Variants in PCDHA12 observed in about 807,000 individuals in gnomAD.
PCDHA12 encodes the protein protocadherin alpha-12.
In PCDHA12, 44 loss-of-function variants were observed where a neutral mutation model predicts 60.0. The observed-to-expected ratio is 0.73, with a 90% CI of 0.58 to 0.94. The LOEUF (loss-of-function observed/expected upper bound fraction) is 0.94. Among genes scored for constraint, PCDHA12 ranks in the 40% least tolerant of loss-of-function variants. PCDHA12 has a pLI of 0.00. For missense variants in PCDHA12, 1,276 were observed against 1,239.7 expected, an observed-to-expected ratio of 1.03 and a Z score of -0.44; for synonymous variants, 569 against 553.0, an observed-to-expected ratio of 1.03 and a Z score of -0.40.
intron 1 of PCDHA12, chr5:140,967,958 C>A (rs202159883): frequency 6.2e-7 from 1 of 1,614,182 alleles, no homozygotes; most frequent in Non-Finnish European, 8.5e-7. Context: ...AGGCCCCAAC[C>A]GGAAAGTGAG....
intron 3 of PCDHA12, among the ~76,000 whole-genome samples, chr5:140,992,102 G>A (rs1205417295): frequency 6.6e-6 from 1 of 150,914 alleles, no homozygotes; most frequent in Non-Finnish European, 1.5e-5. Context: ...AGAGAATTAA[G>A]GTGAGATGTG....
intron 3 of PCDHA12, among the ~76,000 whole-genome samples, chr5:140,998,586 CAG>C (rs1340236276): frequency 1.4e-5 from 2 of 147,292 alleles, no homozygotes; most frequent in African/African-American, 5.1e-5. Context: ...TTTTTTGAGA[CAG>C]AGTTTTGCTC....
chr5:140,980,890 C>G (rs1554242450), intron 2 of PCDHA12, among the ~76,000 whole-genome samples: 1 of 152,104 alleles, frequency 6.6e-6, no homozygotes, highest in African/African-American at 2.4e-5. Flanking sequence ...TCTTTCCAGT[C>G]TTGGACATCA....
intron 1 of PCDHA12, among the ~76,000 whole-genome samples, chr5:140,908,385 G>A (rs1318647483): frequency 6.6e-6 from 1 of 152,222 alleles, no homozygotes. Context: ...GCTCGAGCCC[G>A]ATCACATATA....
intron 1 of PCDHA12, among the ~76,000 whole-genome samples, chr5:140,960,401 G>C (rs1219932748): frequency 2.0e-5 from 3 of 151,956 alleles, no homozygotes; most frequent in African/African-American, 7.3e-5. Flanking sequence ...TGCAAGGGGG[G>C]GTGCCCAAAA....
intron 3 of PCDHA12, among the ~76,000 whole-genome samples, chr5:141,000,397 A>C (rs590627): frequency 0.074 from 4,330 of 58,694 alleles, 135 homozygotes; most frequent in Non-Finnish European, 0.096. Flanking sequence ...CTCTCTCTCT[A>C]TATATATATA....
At chr5:140,932,471 A>G (rs1056932090) in intron 1 of PCDHA12, among the ~76,000 whole-genome samples, 11 of 152,050 alleles carry the variant, frequency 7.2e-5, no homozygotes, top group African/African-American at 1.7e-4. Flanking sequence ...TATAGGAAAT[A>G]GGATATCTCC....
At chr5:140,894,457 T>C (rs2153447013) in intron 1 of PCDHA12, among the ~76,000 whole-genome samples, 1 of 152,166 alleles carries the variant, frequency 6.6e-6, no homozygotes, top group African/African-American at 2.4e-5. Flanking sequence ...AAAAAATATT[T>C]TACTTTTTAT....
chr5:140,924,915 AT>A (rs1554202358), intron 1 of PCDHA12, among the ~76,000 whole-genome samples: 19 of 127,348 alleles, frequency 1.5e-4, no homozygotes, highest in African/African-American at 5.1e-4. Context: ...ATAAAATAAA[AT>A]AAAATAAAAT....
At chr5:140,888,649 A>G (rs1554183557) in intron 1 of PCDHA12, among the ~76,000 whole-genome samples, 1 of 152,210 alleles carries the variant, frequency 6.6e-6, no homozygotes, top group African/African-American at 2.4e-5. Flanking sequence ...TACTTTCCTG[A>G]GGACACCACC....
intron 1 of PCDHA12, among the ~76,000 whole-genome samples, chr5:140,903,726 A>G (rs2070539731): frequency 6.6e-6 from 1 of 152,248 alleles, no homozygotes; most frequent in South Asian, 2.1e-4. Context: ...TCTCCCTATT[A>G]TCAATTATTA....
chr5:140,899,904 C>A (rs1554188779), intron 1 of PCDHA12, among the ~76,000 whole-genome samples: 1 of 151,986 alleles, frequency 6.6e-6, no homozygotes, highest in African/African-American at 2.4e-5. Flanking sequence ...ACATCCTGGG[C>A]TCAAGCAATC....
rs140727388 is a variant in PCDHA12, at chr5:140,974,245, C to G, written c.2368-4704C>G. Among the ~76,000 whole-genome samples, 191 of 152,268 alleles carry G rather than the reference C, an allele frequency of 1.3e-3. 1 individual carries two copies. The highest frequency in any genetic ancestry group is 4.3e-3 in the African/African-American group (179 of 41,572). Reference sequence around the variant, plus strand: ...ATCTTAGTTCCTTGGCATATAAGCACCATCAGTTCCTTTCTGGCCTTCCAG... The same window carrying G: ...ATCTTAGTTCCTTGGCATATAAGCAGCATCAGTTCCTTTCTGGCCTTCCAG... On this transcript the variant is annotated intron_variant, in intron 1 of 3. Transcript: ENST00000398631.
chr5:140,942,619 TA>T (rs35075175), intron 1 of PCDHA12, among the ~76,000 whole-genome samples: 84,954 of 148,808 alleles, frequency 0.57, 24,471 homozygotes, highest in African/African-American at 0.7. Context: ...TTGCCAATTG[TA>T]AAAAAAAAAA....
At chr5:140,953,530 C>T (rs923959885) in intron 1 of PCDHA12, among the ~76,000 whole-genome samples, 3 of 152,158 alleles carry the variant, frequency 2.0e-5, no homozygotes, top group Admixed American at 6.5e-5. Context: ...ACGGGAAACT[C>T]ACTTCATGCT....
At chr5:140,934,952 C>T (rs1007494400) in intron 1 of PCDHA12, among the ~76,000 whole-genome samples, 22 of 152,218 alleles carry the variant, frequency 1.4e-4, no homozygotes, top group African/African-American at 5.1e-4. Flanking sequence ...AGAGAGATCC[C>T]ATGTGCTTGT....
intron 1 of PCDHA12, among the ~76,000 whole-genome samples, chr5:140,953,105 G>A (rs191289853): frequency 5.3e-5 from 8 of 152,214 alleles, no homozygotes; most frequent in Non-Finnish European, 1.2e-4. Flanking sequence ...ATGAGATTTG[G>A]GCAGGGACAC....
At chr5:140,916,527 C>T (rs2077599616) in intron 1 of PCDHA12, among the ~76,000 whole-genome samples, 1 of 152,162 alleles carries the variant, frequency 6.6e-6, no homozygotes, top group Non-Finnish European at 1.5e-5. Context: ...CTGGGTCCTT[C>T]CCACCAAGGC....
chr5:140,966,750 C>A, intron 1 of PCDHA12: 1 of 1,428,438 alleles, frequency 7.0e-7, no homozygotes, highest in South Asian at 1.5e-5. Flanking sequence ...CGGCTGCCTC[C>A]GCCGCGGCCA....
Sources: allele counts gnomAD v4.1 joint callset (sites outside exome capture counted in the v4.1 genomes callset), GRCh38; gene constraint gnomAD v4.1.1; transcripts MANE v1.5; gene names NCBI Gene and HGNC (gene_info 2026-07-23, HGNC 2026-07-21).